SEMA3E: variants seen among roughly 807,000 people sequenced by gnomAD.
SEMA3E encodes semaphorin 3E.
Under a neutral mutation model 93.6 loss-of-function variants are expected in SEMA3E, and 49 were observed. The observed-to-expected ratio is 0.52, with a 90% CI of 0.42 to 0.66. The LOEUF (loss-of-function observed/expected upper bound fraction) is 0.66, where lower values mean the gene tolerates loss of function less well. Ranked by LOEUF, SEMA3E falls within the 30% of genes least tolerant of loss-of-function variation. SEMA3E has a pLI of 0.00. For missense variants in SEMA3E, 906 were observed against 964.8 expected, an observed-to-expected ratio of 0.94 and a Z score of 0.81; for synonymous variants, 363 against 330.7, an observed-to-expected ratio of 1.10 and a Z score of -1.06.
chr7:83,430,394 G>T (rs1290301949), intron 4 of SEMA3E, among the ~76,000 whole-genome samples: 1 of 151,880 alleles, frequency 6.6e-6, no homozygotes, highest in Non-Finnish European at 1.5e-5. Flanking sequence ...GAACCCAGGA[G>T]ACAGAGGTTA....
intron 16 of SEMA3E, among the ~76,000 whole-genome samples, chr7:83,378,102 T>C (rs1035858238): frequency 2.6e-5 from 4 of 151,918 alleles, no homozygotes; most frequent in Non-Finnish European, 5.9e-5. Context: ...ACACCCTTCA[T>C]AGAAGGAAGA....
intron 1 of SEMA3E, among the ~76,000 whole-genome samples, chr7:83,515,107 G>T (rs1475275874): frequency 6.6e-6 from 1 of 152,030 alleles, no homozygotes; most frequent in Non-Finnish European, 1.5e-5. Flanking sequence ...CTAAGCAACA[G>T]TATTGGTTAG....
intron 12 of SEMA3E, 97 bp from the exon 13 acceptor site, chr7:83,394,435 G>A (rs1788080645): frequency 2.1e-6 from 2 of 973,776 alleles, no homozygotes; most frequent in Admixed American, 4.0e-5. Context: ...ACTTATATAA[G>A]TGGTTATGTG....
intron 1 of SEMA3E, among the ~76,000 whole-genome samples, chr7:83,549,555 T>C (rs1271924122): frequency 6.6e-6 from 1 of 152,152 alleles, no homozygotes; most frequent in African/African-American, 2.4e-5. Flanking sequence ...CATATTTAGG[T>C]ATTTCATCAA....
At chr7:83,627,225 G>C (rs1215989349) in intron 1 of SEMA3E, among the ~76,000 whole-genome samples, 5 of 152,126 alleles carry the variant, frequency 3.3e-5, no homozygotes, top group Admixed American at 3.3e-4. Flanking sequence ...AGGTCCACTT[G>C]GTCCAGAGCT....
intron 2 of SEMA3E, among the ~76,000 whole-genome samples, chr7:83,475,835 G>GC (rs1172380029): frequency 6.6e-6 from 1 of 152,158 alleles, no homozygotes; most frequent in Non-Finnish European, 1.5e-5. Flanking sequence ...TTCTAGGATT[G>GC]CCAGAACATG....
intron 2 of SEMA3E, among the ~76,000 whole-genome samples, chr7:83,489,307 G>A (rs1261595003): frequency 6.6e-6 from 1 of 151,764 alleles, no homozygotes; most frequent in Non-Finnish European, 1.5e-5. Context: ...GAAATATGTA[G>A]GGAAGAACCA....
intron 5 of SEMA3E, among the ~76,000 whole-genome samples, chr7:83,413,514 T>C (rs763800519): frequency 6.6e-6 from 1 of 152,178 alleles, no homozygotes; most frequent in Non-Finnish European, 1.5e-5. Context: ...CACTATGACA[T>C]GCATAGCTAC....
At chr7:83,488,872 T>C (rs544929890) in intron 2 of SEMA3E, among the ~76,000 whole-genome samples, 3 of 152,122 alleles carry the variant, frequency 2.0e-5, no homozygotes, top group East Asian at 1.9e-4. Flanking sequence ...AAAACTTTTG[T>C]AGAGAGGCTG....
intron 1 of SEMA3E, among the ~76,000 whole-genome samples, chr7:83,546,071 G>A (rs1027858238): frequency 2.1e-5 from 3 of 146,086 alleles, no homozygotes; most frequent in Non-Finnish European, 3.0e-5. Context: ...ATTATCCCAC[G>A]ATGACAAGTA....
Position 83,490,204 on chromosome 7 carries a change from C to G in SEMA3E, c.186G>C (p.Leu62=). Residue 62 remains leucine, a synonymous_variant, in exon 2 of 17, where the codon CTG becomes CTC. Coordinates refer to ENST00000643230, the MANE Select transcript of SEMA3E (RefSeq NM_012431.3). ...AGAGCCTCTCTTGATATTCATCCAG[C>G]AGCATTGTATGGAGATCAAGAAATC... ...PFGFLDLHTM[L]LDEYQERLFV... is the part of the protein sequence containing the mutation. 2 of 1,612,982 alleles carry G rather than the reference C, an allele frequency of 1.2e-6. No homozygotes were observed. Among genetic ancestry groups the G allele is most frequent in the Non-Finnish European group, 1.7e-6 (2 of 1,179,378 alleles).
intron 14 of SEMA3E, among the ~76,000 whole-genome samples, chr7:83,388,635 A>AAT (rs1042588630): frequency 7.2e-5 from 11 of 152,026 alleles, no homozygotes; most frequent in Admixed American, 7.2e-4. Context: ...AGTGACAATG[A>AAT]GATGCTTTAA....
chr7:83,494,933 C>T (rs981546087), intron 1 of SEMA3E, among the ~76,000 whole-genome samples: 9 of 151,780 alleles, frequency 5.9e-5, no homozygotes, highest in East Asian at 3.9e-4. Context: ...TATCCATCTG[C>T]GGTTAAAATG....
At chr7:83,460,621 T>TAGCGGCAAG (rs1342094568) in intron 4 of SEMA3E, among the ~76,000 whole-genome samples, 6 of 26,006 alleles carry the variant, frequency 2.3e-4, no homozygotes, top group East Asian at 0.028. Context: ...TCTCTACCCC[T>TAGCGGCAAG]TCTCTGCTTT....
chr7:83,543,943 C>T (rs1012654388), intron 1 of SEMA3E, among the ~76,000 whole-genome samples: 2 of 152,036 alleles, frequency 1.3e-5, no homozygotes, highest in Non-Finnish European at 2.9e-5. Flanking sequence ...TTAGGTCAAA[C>T]ATTCTTTATT....
intron 5 of SEMA3E, among the ~76,000 whole-genome samples, chr7:83,414,674 A>G (rs1401602756): frequency 2.0e-5 from 3 of 152,128 alleles, no homozygotes; most frequent in Admixed American, 2.0e-4. Flanking sequence ...ATTATTTGTT[A>G]AAATAAAATT....
At chr7:83,584,522 T>C (rs957961256) in intron 1 of SEMA3E, among the ~76,000 whole-genome samples, 1 of 152,164 alleles carries the variant, frequency 6.6e-6, no homozygotes, top group Non-Finnish European at 1.5e-5. Context: ...GTTTGTATAC[T>C]GGAAAATTTT....
At chr7:83,469,731 A>C (rs376570659) in intron 2 of SEMA3E, among the ~76,000 whole-genome samples, 1 of 152,138 alleles carries the variant, frequency 6.6e-6, no homozygotes, top group East Asian at 1.9e-4. Context: ...ATGACTCTTT[A>C]AATGCTGACT....
At chr7:83,545,681 G>T (rs1449284037) in intron 1 of SEMA3E, among the ~76,000 whole-genome samples, 2 of 150,754 alleles carry the variant, frequency 1.3e-5, no homozygotes, top group Non-Finnish European at 3.0e-5. Context: ...CTCTACTGGG[G>T]ATAAGTCAGA....
Sources: allele counts gnomAD v4.1 joint callset (sites outside exome capture counted in the v4.1 genomes callset), GRCh38; gene constraint gnomAD v4.1.1; transcripts MANE v1.5; gene names NCBI Gene and HGNC (gene_info 2026-07-23, HGNC 2026-07-21).